The following FAXC variants were observed in gnomAD, a reference collection of about 807,000 sequenced individuals.
The protein encoded by FAXC is failed axon connections homolog, metaxin like GST domain containing, also known as failed axon connections homolog.
Under a neutral mutation model 41.9 loss-of-function variants are expected in FAXC, and 10 were observed. The observed-to-expected ratio is 0.24, with a 90% CI of 0.15 to 0.41. The LOEUF (loss-of-function observed/expected upper bound fraction) is 0.41, where lower values mean the gene tolerates loss of function less well. FAXC is among the 10% of genes least tolerant of loss of function. FAXC has a pLI of 1.00. For missense variants in FAXC, 399 were observed against 510.9 expected (o/e 0.78, Z 2.11); for synonymous variants, 183 against 183.8 (o/e 1.00, Z 0.03).
intron 5 of FAXC, among the ~76,000 whole-genome samples, chr6:99,290,101 C>CCACACA (rs34319104): frequency 0.27 from 38,407 of 142,206 alleles, 5,382 homozygotes; most frequent in Middle Eastern, 0.35. Context: ...CCCTACCCCA[C>CCACACA]CACACACACA....
chr6:99,338,042 C>T (rs1452064624), intron 2 of FAXC, among the ~76,000 whole-genome samples: 16 of 152,206 alleles, frequency 1.1e-4, no homozygotes, highest in Non-Finnish European at 2.2e-4. Flanking sequence ...CAGACACCCA[C>T]TGCATCAGTA....
At chr6:99,291,559 C>T (rs1446754444) in intron 5 of FAXC, 145 bp downstream of exon 5, 1 of 683,304 alleles carries the variant, frequency 1.5e-6, no homozygotes, top group East Asian at 2.5e-5. Flanking sequence ...TACAGAGAAC[C>T]AACCCTAGCC....
chr6:99,310,750 A>G (rs1772124044), intron 4 of FAXC, among the ~76,000 whole-genome samples: 1 of 152,230 alleles, frequency 6.6e-6, no homozygotes, highest in East Asian at 1.9e-4. Context: ...AGCATATGCT[A>G]AATGTGCTAA....
At chr6:99,310,533 A>C (rs532969037) in intron 4 of FAXC, among the ~76,000 whole-genome samples, 16 of 152,252 alleles carry the variant, frequency 1.1e-4, no homozygotes, top group Non-Finnish European at 2.1e-4. Flanking sequence ...GTCAGGGCTG[A>C]AAGCCACTGC....
intron 3 of FAXC, among the ~76,000 whole-genome samples, chr6:99,328,683 C>T (rs11753573): frequency 0.38 from 57,537 of 152,052 alleles, 11,393 homozygotes; most frequent in Middle Eastern, 0.46. Flanking sequence ...CCTTGGATTC[C>T]GTTTTGACAA....
rs1207575542 is a variant in FAXC at position 99,272,146 on chromosome 6, A to ATATATG, written c.*9017_*9018insCATATA. 1.4e-5 allele frequency: 2 copies of ATATATG among 143,976 alleles called. No individual in the cohort carries two copies. Among genetic ancestry groups the ATATATG allele is most frequent in the African/African-American group, 2.6e-5 (1 of 39,010 alleles). 8.9% of individuals were successfully genotyped at this position (143,976 alleles called of 1,614,324 possible). ...AGGTATGAAAACTAATTGAGACTAT[A>ATATATG]TGTGTGTGTGTGTGTGTGTGTGTGT... On this transcript the variant is annotated 3_prime_UTR_variant, in exon 6 of 6. Coordinates refer to ENST00000389677, the MANE Select transcript of FAXC (RefSeq NM_032511.4).
At chr6:99,305,242 G>A (rs895855189) in intron 4 of FAXC, among the ~76,000 whole-genome samples, 1 of 152,106 alleles carries the variant, frequency 6.6e-6, no homozygotes, top group Non-Finnish European at 1.5e-5. Flanking sequence ...CTGGAGGTTG[G>A]GACATCAGCT....
intron 4 of FAXC, among the ~76,000 whole-genome samples, chr6:99,303,848 C>T (rs1771810704): frequency 6.6e-6 from 1 of 152,178 alleles, no homozygotes; most frequent in South Asian, 2.1e-4. Context: ...GCTCTTTAAG[C>T]TCTACCTCTA....
At chr6:99,338,372 C>T (rs1201554175) in intron 2 of FAXC, among the ~76,000 whole-genome samples, 1 of 152,176 alleles carries the variant, frequency 6.6e-6, no homozygotes, top group Non-Finnish European at 1.5e-5. Flanking sequence ...CAGGCAGCTG[C>T]TCTAAAATGT....
At chr6:99,288,334 A>G (rs140350500) in intron 5 of FAXC, among the ~76,000 whole-genome samples, 2 of 152,284 alleles carry the variant, frequency 1.3e-5, no homozygotes, top group African/African-American at 4.8e-5. Flanking sequence ...GTATATCTGT[A>G]CAAGTGAGTG....
rs1770499232 is a variant in FAXC at position 99,273,799 on chromosome 6, A to G, written c.*7365T>C. 1.3e-5 allele frequency: 2 copies of G among 152,076 alleles called. No homozygotes were observed. Among genetic ancestry groups the G allele is most frequent in the South Asian group, 2.1e-4 (1 of 4,810 alleles). The allele number at this position is 152,076 out of a possible 1,614,324, so 9.4% of individuals were successfully genotyped here. A position where few individuals can be genotyped will look rare whatever the true frequency, so the allele number is the denominator to read the frequency against. On this transcript the variant is annotated 3_prime_UTR_variant, in exon 6 of 6. Transcript: ENST00000389677. ...TCTAAACTCCATTGAGGACCAGAAAATATACTTTTAAAATGTCTATGTTTG... is the reference window on the plus strand; with the variant it reads ...TCTAAACTCCATTGAGGACCAGAAAGTATACTTTTAAAATGTCTATGTTTG...
intron 1 of FAXC, among the ~76,000 whole-genome samples, chr6:99,346,948 T>C (rs1275372935): frequency 1.3e-5 from 2 of 152,206 alleles, no homozygotes; most frequent in Non-Finnish European, 2.9e-5. Flanking sequence ...AGCTTTCTAA[T>C]TCAACTCAAA....
At chr6:99,339,748 G>C (rs1773350276) in intron 2 of FAXC, among the ~76,000 whole-genome samples, 1 of 152,094 alleles carries the variant, frequency 6.6e-6, no homozygotes, top group African/African-American at 2.4e-5. Context: ...TGCAAAGGAA[G>C]CTCAGAGAGA....
At chr6:99,337,711 TAAAA>T (rs1179552569) in intron 2 of FAXC, among the ~76,000 whole-genome samples, 7 of 152,192 alleles carry the variant, frequency 4.6e-5, no homozygotes, top group African/African-American at 1.7e-4. Context: ...TATTACAAAA[TAAAA>T]AGATTTTAAA....
Position 99,347,188 on chromosome 6 carries a change from T to A in FAXC, c.266+1919A>T, listed in dbSNP as rs1182218802. On this transcript the variant is annotated intron_variant, in intron 1 of 5. Coordinates refer to ENST00000389677, the MANE Select transcript of FAXC (RefSeq NM_032511.4). ...AGACTGAGGCCAGAGGATCGCTTGATCCCAGGAGTTCAAGAGCAGCCTGGC... is the reference window on the plus strand; with the variant it reads ...AGACTGAGGCCAGAGGATCGCTTGAACCCAGGAGTTCAAGAGCAGCCTGGC... Among the ~76,000 whole-genome samples, 5 of 151,818 alleles carry A rather than the reference T, an allele frequency of 3.3e-5. No individual in the cohort carries two copies. In the East Asian group the frequency reaches 9.7e-4, roughly 29 times the overall value.
At chr6:99,281,478 G>A in intron 5 of FAXC, 25 bp from the exon 6 acceptor site, 1 of 1,569,390 alleles carries the variant, frequency 6.4e-7, no homozygotes, top group Non-Finnish European at 8.7e-7. Context: ...GGAAAGCAAG[G>A]ATTAGTTCTC....
In FAXC at chr6:99,276,393, C is replaced by G. The variant is rs1770622032; in HGVS notation, c.*4771G>C. 1 of 152,172 alleles carries G rather than the reference C, an allele frequency of 6.6e-6. No homozygotes were observed. Among genetic ancestry groups the G allele is most frequent in the East Asian group, 1.9e-4 (1 of 5,194 alleles). The allele number at this position is 152,172 out of a possible 1,614,324, so 9.4% of individuals were successfully genotyped here. On this transcript the variant is annotated 3_prime_UTR_variant, in exon 6 of 6. Transcript: ENST00000389677. ...CATGCAGAAGCGGTGGGTTTCAGGGCTGAAAGGAAGCGCACTTGGCCCTGA... is the reference window on the plus strand; with the variant it reads ...CATGCAGAAGCGGTGGGTTTCAGGGGTGAAAGGAAGCGCACTTGGCCCTGA...
intron 4 of FAXC, among the ~76,000 whole-genome samples, chr6:99,299,897 C>T (rs1001198190): frequency 1.3e-5 from 2 of 152,058 alleles, no homozygotes; most frequent in Non-Finnish European, 2.9e-5. Flanking sequence ...AGCTCACGAT[C>T]GCCAATTAGC....
intron 4 of FAXC, among the ~76,000 whole-genome samples, chr6:99,321,375 C>T (rs1309458211): frequency 6.6e-6 from 1 of 152,194 alleles, no homozygotes; most frequent in African/African-American, 2.4e-5. Context: ...AAAAATGAGC[C>T]ACATCCGTGG....
Sources: gnomAD v4.1 joint callset for allele counts (sites outside exome capture counted in the v4.1 genomes callset) on GRCh38, gnomAD v4.1.1 for gene constraint, MANE v1.5 for transcripts, NCBI Gene and HGNC (gene_info 2026-07-23, HGNC 2026-07-21) for gene names.